Variants in DLG2 observed in about 807,000 individuals in gnomAD.
The protein encoded by DLG2 is disks large homolog 2.
In DLG2, 45 loss-of-function variants were observed where a neutral mutation model predicts 132.5. That is an observed-to-expected ratio of 0.34 (90% CI 0.27 to 0.44). DLG2 has a LOEUF of 0.44. Ranked by LOEUF, DLG2 falls within the 20% of genes least tolerant of loss-of-function variation. The probability of loss-of-function intolerance (pLI) is 1.00; values close to 1 mark genes in which losing one functional copy is unlikely to be tolerated. For synonymous variants in DLG2, 424 were observed against 419.6 expected (o/e 1.01, Z -0.13); for missense variants, 1,045 against 1,196.9 (o/e 0.87, Z 1.87).
intron 9 of DLG2, among the ~76,000 whole-genome samples, chr11:84,139,815 C>T (rs186050640): frequency 9.2e-5 from 14 of 152,070 alleles, no homozygotes; most frequent in African/African-American, 1.2e-4. Context: ...TTTAAGAAAA[C>T]GCTTTCAAAC....
At chr11:85,106,875 C>T (rs970033093) in intron 6 of DLG2, among the ~76,000 whole-genome samples, 1 of 151,972 alleles carries the variant, frequency 6.6e-6, no homozygotes, top group African/African-American at 2.4e-5. Context: ...CTTCCAAAAT[C>T]CAACTTAAGG....
chr11:84,277,956 T>C (rs2097799836), intron 7 of DLG2, among the ~76,000 whole-genome samples: 1 of 152,078 alleles, frequency 6.6e-6, no homozygotes, highest in Non-Finnish European at 1.5e-5. Flanking sequence ...TCTAATGTTA[T>C]GATCATGGCT....
intron 4 of DLG2, among the ~76,000 whole-genome samples, chr11:85,236,550 A>C (rs2075597534): frequency 6.6e-6 from 1 of 151,990 alleles, no homozygotes; most frequent in African/African-American, 2.4e-5. Context: ...AACTTCTTTA[A>C]AGGCCTTATC....
intron 3 of DLG2, among the ~76,000 whole-genome samples, chr11:85,545,231 C>A (rs540244371): frequency 6.6e-6 from 1 of 152,250 alleles, no homozygotes; most frequent in Non-Finnish European, 1.5e-5. Flanking sequence ...GCCTTTTCTG[C>A]ATCTATTGAG....
chr11:83,634,023 A>G (rs1201135512), intron 18 of DLG2, among the ~76,000 whole-genome samples: 1 of 151,922 alleles, frequency 6.6e-6, no homozygotes, highest in African/African-American at 2.4e-5. Context: ...TTGAGGAGAG[A>G]CTCTAGTTAC....
intron 6 of DLG2, among the ~76,000 whole-genome samples, chr11:84,776,219 AT>A (rs1246728766): frequency 1.3e-5 from 2 of 152,110 alleles, no homozygotes; most frequent in Non-Finnish European, 2.9e-5. Context: ...CAGTTGTGTG[AT>A]CACAGCTCAC....
At chr11:84,577,063 C>A (rs2099502266) in intron 6 of DLG2, among the ~76,000 whole-genome samples, 1 of 152,104 alleles carries the variant, frequency 6.6e-6, no homozygotes, top group Admixed American at 6.5e-5. Context: ...ACGGGTTTAT[C>A]AGGGGTTTTG....
At chr11:85,404,409 C>T (rs1398859960) in intron 3 of DLG2, among the ~76,000 whole-genome samples, 1 of 151,836 alleles carries the variant, frequency 6.6e-6, no homozygotes, top group Non-Finnish European at 1.5e-5. Flanking sequence ...ATTGTCCAAC[C>T]ACTCTATTCT....
intron 17 of DLG2, among the ~76,000 whole-genome samples, chr11:83,788,992 T>C (rs568843792): frequency 6.6e-6 from 1 of 152,232 alleles, no homozygotes. Context: ...AATTTTTTAA[T>C]GTAAGGCCAT....
intron 3 of DLG2, among the ~76,000 whole-genome samples, chr11:85,475,541 T>G (rs1251640341): frequency 6.6e-6 from 1 of 152,008 alleles, no homozygotes; most frequent in East Asian, 1.9e-4. Flanking sequence ...TAATATAAAC[T>G]CTATTGCTGT....
intron 6 of DLG2, chr11:84,997,471 G>A (rs1296945846): frequency 2.6e-5 from 4 of 152,116 alleles, no homozygotes; most frequent in Admixed American, 2.6e-4. Flanking sequence ...CTAGAATGCT[G>A]TACACATTGG....
intron 3 of DLG2, among the ~76,000 whole-genome samples, chr11:85,460,121 T>C (rs2092558370): frequency 6.6e-6 from 1 of 152,176 alleles, no homozygotes. Flanking sequence ...CCCAGACCAC[T>C]GGGCCTCATC....
At chr11:85,033,386 CA>C (rs750024023) in intron 6 of DLG2, among the ~76,000 whole-genome samples, 18,544 of 80,860 alleles carry the variant, frequency 0.23, 858 homozygotes, top group South Asian at 0.28. Flanking sequence ...TATATCCTAG[CA>C]AAAAAAAAAA....
intron 18 of DLG2, among the ~76,000 whole-genome samples, chr11:83,652,438 T>C (rs996378571): frequency 2.6e-5 from 4 of 152,194 alleles, no homozygotes; most frequent in Non-Finnish European, 5.9e-5. Flanking sequence ...TGGTGCAATC[T>C]TGGCTCACTG....
intron 3 of DLG2, among the ~76,000 whole-genome samples, chr11:85,319,206 A>G (rs1469660728): frequency 6.6e-6 from 1 of 151,872 alleles, no homozygotes; most frequent in Non-Finnish European, 1.5e-5. Context: ...CTCAAACCAC[A>G]AAGACTTATA....
intron 6 of DLG2, among the ~76,000 whole-genome samples, chr11:84,950,711 A>G (rs2050801230): frequency 6.6e-6 from 1 of 151,340 alleles, no homozygotes; most frequent in East Asian, 1.9e-4. Context: ...AGTCATAAGC[A>G]CACACACGCA....
intron 6 of DLG2, among the ~76,000 whole-genome samples, chr11:84,691,896 C>T (rs1420182606): frequency 6.6e-6 from 1 of 151,548 alleles, no homozygotes. Flanking sequence ...TTTCCCATAC[C>T]TTCCTCCTTC....
At chr11:84,498,071 G>A (rs1048521060) in intron 7 of DLG2, among the ~76,000 whole-genome samples, 1 of 152,186 alleles carries the variant, frequency 6.6e-6, no homozygotes, top group African/African-American at 2.4e-5. Context: ...CTTGCTCATT[G>A]GAGTGGAAAC....
chr11:83,732,408 T>C (rs137860583), intron 18 of DLG2, among the ~76,000 whole-genome samples: 1 of 152,326 alleles, frequency 6.6e-6, no homozygotes, highest in African/African-American at 2.4e-5. Context: ...AGGTAGCTAT[T>C]ATGCTTAGAA....
Sources: gnomAD v4.1 joint callset for allele counts (sites outside exome capture counted in the v4.1 genomes callset) on GRCh38, gnomAD v4.1.1 for gene constraint, MANE v1.5 for transcripts, NCBI Gene and HGNC (gene_info 2026-07-23, HGNC 2026-07-21) for gene names.